HECA: variants seen among roughly 807,000 people sequenced by gnomAD.
HECA encodes HECA ribonucleoprotein granule regulator.
In HECA, 13 loss-of-function variants were observed where a neutral mutation model predicts 37.6. The observed-to-expected ratio is 0.35, with a 90% CI of 0.23 to 0.55. The LOEUF is 0.55. HECA is among the 20% of genes least tolerant of loss of function. The probability of loss-of-function intolerance (pLI) is 0.90; values close to 1 mark genes in which losing one functional copy is unlikely to be tolerated. For synonymous variants in HECA, 307 were observed against 291.5 expected (o/e 1.05, Z -0.54); for missense variants, 527 against 701.9 (o/e 0.75, Z 2.82).
In HECA at chr6:139,180,582, T is replaced by C. The variant is rs978018438; in HGVS notation, c.*3477T>C. The C allele has an allele frequency of 1.3e-5, 2 of 152,650 alleles. No homozygotes were observed. The highest frequency in any genetic ancestry group is 4.8e-5 in the African/African-American group (2 of 41,458). 9.5% of individuals were successfully genotyped at this position (152,650 alleles called of 1,614,324 possible). On this transcript the variant is annotated 3_prime_UTR_variant, in exon 4 of 4. Coordinates refer to ENST00000367658, the MANE Select transcript of HECA (RefSeq NM_016217.3). Reference sequence around the variant, plus strand: ...TATTCCGGGTAATTGAAAGAAAATATAATGGATGGGCTCCATTAAAACCAG... The same window carrying C: ...TATTCCGGGTAATTGAAAGAAAATACAATGGATGGGCTCCATTAAAACCAG...
chr6:139,167,787 A>G (rs1471987575), intron 2 of HECA, among the ~76,000 whole-genome samples: 16 of 152,334 alleles, frequency 1.1e-4, no homozygotes, highest in Admixed American at 7.2e-4. Context: ...GAGTGTGTTG[A>G]TAGCAGCAAA....
chr6:139,141,179 A>C, intron 1 of HECA, among the ~76,000 whole-genome samples: 1 of 152,240 alleles, frequency 6.6e-6, no homozygotes. Flanking sequence ...CTTAGAAAAG[A>C]AGCTTTCTTT....
intron 2 of HECA, among the ~76,000 whole-genome samples, chr6:139,173,442 C>G (rs1465052781): frequency 1.3e-5 from 2 of 152,166 alleles, no homozygotes; most frequent in Non-Finnish European, 2.9e-5. Context: ...ACATACATAC[C>G]TTTCCATCGG....
intron 1 of HECA, among the ~76,000 whole-genome samples, chr6:139,148,876 G>A (rs914630045): frequency 7.9e-5 from 12 of 151,936 alleles, no homozygotes; most frequent in Non-Finnish European, 1.0e-4. Context: ...CTCAATACCC[G>A]TCTCTTCTTG....
At chr6:139,169,809 C>T (rs1188086433) in intron 2 of HECA, 3 of 152,224 alleles carry the variant, frequency 2.0e-5, no homozygotes, top group Non-Finnish European at 4.4e-5. Flanking sequence ...AACTGAGTAA[C>T]ATCACTCCTG....
rs779688798 is a variant in HECA, at chr6:139,174,482, G to T, written c.1410G>T (p.Trp470Cys). ...GTAAGTCACGGTGGGATGGCAGCTGGCACCAGCTGGGCACTATGTACACCT... is the reference window on the plus strand; with the variant it reads ...GTAAGTCACGGTGGGATGGCAGCTGTCACCAGCTGGGCACTATGTACACCT... ...IKCKSRWDGS[W>C]HQLGTMYTYD... Residue 470 changes from tryptophan to cysteine, a missense_variant, in exon 3 of 4, where the codon TGG becomes TGT. Transcript: ENST00000367658. 1 of 1,613,468 alleles carries T rather than the reference G, an allele frequency of 6.2e-7. No homozygotes were observed. Among genetic ancestry groups the T allele is most frequent in the Admixed American group, 1.7e-5 (1 of 59,966 alleles).
Position 139,178,682 on chromosome 6 carries a change from C to T in HECA, c.*1577C>T, listed in dbSNP as rs1775088144. 2.0e-5 allele frequency: 3 copies of T among 152,082 alleles called. No individual in the cohort carries two copies. The highest frequency in any genetic ancestry group is 2.0e-4 in the Admixed American group (3 of 15,254). The allele number at this position is 152,082 out of a possible 1,614,324, so 9.4% of individuals were successfully genotyped here. ...CTCTGCCTCCTGGATTCAAGCGATT[C>T]TCCTGTCCCAGCCTCCCAGGTAGCT... On this transcript the variant is annotated 3_prime_UTR_variant, in exon 4 of 4. Transcript: ENST00000367658.
intron 1 of HECA, chr6:139,166,010 T>C (rs951664784): frequency 2.3e-5 from 8 of 341,066 alleles, no homozygotes; most frequent in Admixed American, 9.2e-5. Context: ...AGACCGTCTA[T>C]GTTCCAGCGG....
At chr6:139,164,644 C>T (rs17068383) in intron 1 of HECA, among the ~76,000 whole-genome samples, 14,030 of 152,032 alleles carry the variant, frequency 0.092, 947 homozygotes, top group Admixed American at 0.19. Context: ...TAAAATCCTA[C>T]GGAAATGCAA....
intron 1 of HECA, among the ~76,000 whole-genome samples, chr6:139,143,038 A>G (rs9495357): frequency 0.093 from 14,105 of 152,254 alleles, 960 homozygotes; most frequent in Admixed American, 0.19. Flanking sequence ...TTCTGTCTGT[A>G]TTATGATTCT....
chr6:139,150,415 T>C (rs1015429316), intron 1 of HECA, among the ~76,000 whole-genome samples: 3 of 151,820 alleles, frequency 2.0e-5, no homozygotes, highest in African/African-American at 7.3e-5. Context: ...CCTCAACTTA[T>C]ATTTTAATGT....
At chr6:139,167,361 G>A (rs1774906224) in intron 2 of HECA, 37 bp downstream of exon 2, 1 of 1,462,248 alleles carries the variant, frequency 6.8e-7, no homozygotes, top group African/African-American at 1.4e-5. Flanking sequence ...CTTTCTGTTT[G>A]TTAAAAACCA....
chr6:139,158,270 A>T (rs1313403170), intron 1 of HECA, among the ~76,000 whole-genome samples: 1 of 152,012 alleles, frequency 6.6e-6, no homozygotes, highest in Non-Finnish European at 1.5e-5. Flanking sequence ...TGGGAGGCCG[A>T]GGCGGGCAGA....
intron 1 of HECA, among the ~76,000 whole-genome samples, chr6:139,145,885 C>T (rs979883043): frequency 6.6e-6 from 1 of 152,072 alleles, no homozygotes; most frequent in African/African-American, 2.4e-5. Flanking sequence ...GTCGCTCTTC[C>T]TTGGTTGCTC....
At chr6:139,149,384 C>G (rs778046809) in intron 1 of HECA, among the ~76,000 whole-genome samples, 1 of 152,230 alleles carries the variant, frequency 6.6e-6, no homozygotes, top group Non-Finnish European at 1.5e-5. Flanking sequence ...CTGTTTGTGA[C>G]GAGCTCTTTT....
rs769729277 is a variant in HECA at position 139,167,088 on chromosome 6, A to C, written c.1076A>C (p.His359Pro). 1 of 1,614,214 alleles carries C rather than the reference A, an allele frequency of 6.2e-7. No homozygotes were observed. The highest frequency in any genetic ancestry group is 8.5e-7 in the Non-Finnish European group (1 of 1,180,046). Residue 359 changes from histidine (H) to proline (P), a missense_variant, in exon 2 of 4, where the codon CAT (histidine) becomes CCT (proline). Physicochemically the swap from His to Pro is moderately conservative, Grantham distance 77 (BLOSUM62 -2). Around this residue, in one of 4 missense-constraint regions of HECA, gnomAD observed 228 missense variants for 259.8 expected, o/e 0.88. Coordinates refer to ENST00000367658, the MANE Select transcript of HECA (RefSeq NM_016217.3). ...LSELLTHIPR[H>P]KLNTFHVRME... is the part of the protein sequence containing the mutation. The stretch of plus-strand genomic sequence containing the variant: ...GAACTCCTCACTCACATCCCCAGGC[A>C]TAAGCTGAACACTTTCCACGTGCGC...
At chr6:139,140,175 C>G (rs1774496557) in intron 1 of HECA, among the ~76,000 whole-genome samples, 1 of 152,132 alleles carries the variant, frequency 6.6e-6, no homozygotes, top group Non-Finnish European at 1.5e-5. Flanking sequence ...TAGATGTTTA[C>G]TTTAATTCCT....
chr6:139,135,762 T>C (rs1774426616), intron 1 of HECA, 95 bp downstream of exon 1: 3 of 470,698 alleles, frequency 6.4e-6, no homozygotes, highest in African/African-American at 2.1e-5. Context: ...GCGTGGACAA[T>C]GCGAGAGTCA....
At chr6:139,145,281 T>G (rs1774569706) in intron 1 of HECA, among the ~76,000 whole-genome samples, 1 of 152,238 alleles carries the variant, frequency 6.6e-6, no homozygotes, top group Non-Finnish European at 1.5e-5. Flanking sequence ...ACTTGAGAGC[T>G]TTTTATAAAC....
Sources: gnomAD v4.1 joint callset for allele counts (sites outside exome capture counted in the v4.1 genomes callset) on GRCh38, gnomAD v4.1.1 for gene constraint, gnomAD v4.1.1 regional missense constraint, MANE v1.5 for transcripts, NCBI Gene and HGNC (gene_info 2026-07-23, HGNC 2026-07-21) for gene names.